Variants in CDH12 observed in about 807,000 individuals in gnomAD.
CDH12 encodes the protein cadherin 12.
CDH12 carries 41 observed loss-of-function variants against 74.1 expected under a neutral mutation model. That is an observed-to-expected ratio of 0.55 (90% CI 0.43 to 0.72). The LOEUF (loss-of-function observed/expected upper bound fraction) is 0.72. Ranked by LOEUF, CDH12 falls within the 30% of genes least tolerant of loss-of-function variation. The pLI, the probability that CDH12 is intolerant of heterozygous loss-of-function variation, is 0.00. For synonymous variants in CDH12, 399 were observed against 355.0 expected, an observed-to-expected ratio of 1.12 and a Z score of -1.39; for missense variants, 945 against 977.2, an observed-to-expected ratio of 0.97 and a Z score of 0.44.
intron 6 of CDH12, among the ~76,000 whole-genome samples, chr5:21,931,463 T>C (rs1387442560): frequency 1.3e-5 from 2 of 152,160 alleles, no homozygotes; most frequent in African/African-American, 2.4e-5. Flanking sequence ...CATGAACTAA[T>C]GGATCAATGA....
chr5:21,788,950 T>G (rs1204667796), intron 10 of CDH12, among the ~76,000 whole-genome samples: 1 of 152,016 alleles, frequency 6.6e-6, no homozygotes, highest in African/African-American at 2.4e-5. Context: ...TCATGTCTTT[T>G]TTGTGTATTT....
intron 5 of CDH12, among the ~76,000 whole-genome samples, chr5:22,056,882 G>T (rs74547509): frequency 6.6e-6 from 1 of 152,076 alleles, no homozygotes; most frequent in African/African-American, 2.4e-5. Flanking sequence ...GAAAAGAGCC[G>T]ACAATTCTTC....
intron 1 of CDH12, among the ~76,000 whole-genome samples, chr5:22,575,923 G>T (rs1381556273): frequency 1.3e-5 from 2 of 151,460 alleles, no homozygotes; most frequent in Non-Finnish European, 2.9e-5. Flanking sequence ...TATCAGTGCA[G>T]GGTTTCTACA....
At chr5:22,373,722 C>A (rs1741396046) in intron 3 of CDH12, among the ~76,000 whole-genome samples, 3 of 152,186 alleles carry the variant, frequency 2.0e-5, no homozygotes, top group Non-Finnish European at 2.9e-5. Context: ...CACACTCCTG[C>A]ATGTACCCAA....
intron 4 of CDH12, among the ~76,000 whole-genome samples, chr5:22,116,938 C>T (rs957698658): frequency 1.4e-5 from 2 of 140,556 alleles, no homozygotes; most frequent in African/African-American, 5.3e-5. Flanking sequence ...ACCTTGATTG[C>T]TCTGATACAT....
chr5:22,767,770 G>C (rs1746597890), intron 1 of CDH12, among the ~76,000 whole-genome samples: 1 of 151,842 alleles, frequency 6.6e-6, no homozygotes, highest in Admixed American at 6.6e-5. Flanking sequence ...GCAGGGCAAT[G>C]ATAATCAACT....
At chr5:22,523,216 T>G (rs1737127109) in intron 1 of CDH12, among the ~76,000 whole-genome samples, 1 of 152,198 alleles carries the variant, frequency 6.6e-6, no homozygotes, top group Non-Finnish European at 1.5e-5. Context: ...GGGGTGGTGC[T>G]GATTTCACGT....
chr5:22,067,860 C>T (rs1741676212), intron 5 of CDH12, among the ~76,000 whole-genome samples: 1 of 152,080 alleles, frequency 6.6e-6, no homozygotes, highest in Admixed American at 6.6e-5. Context: ...TGCCTGTAGT[C>T]CCAGCTACTC....
chr5:22,549,930 T>C (rs906929439), intron 1 of CDH12, among the ~76,000 whole-genome samples: 1 of 152,222 alleles, frequency 6.6e-6, no homozygotes, highest in East Asian at 1.9e-4. Flanking sequence ...GTTCCTAGTT[T>C]GTTGTTTCAT....
chr5:22,718,407 G>C (rs577391608), intron 1 of CDH12, among the ~76,000 whole-genome samples: 1 of 152,304 alleles, frequency 6.6e-6, no homozygotes, highest in Non-Finnish European at 1.5e-5. Context: ...GGGAATGAAA[G>C]GGAAATATCT....
chr5:21,835,922 C>T (rs958889990), intron 8 of CDH12, among the ~76,000 whole-genome samples: 1 of 151,654 alleles, frequency 6.6e-6, no homozygotes, highest in Non-Finnish European at 1.5e-5. Flanking sequence ...ACTTGGACAT[C>T]TTGTAGTCCT....
At chr5:22,687,055 G>A (rs560647285) in intron 1 of CDH12, among the ~76,000 whole-genome samples, 4 of 152,276 alleles carry the variant, frequency 2.6e-5, no homozygotes, top group African/African-American at 9.6e-5. Flanking sequence ...CAGCACTTCG[G>A]GAGGCTAAGG....
chr5:22,568,376 G>A (rs1034521446), intron 1 of CDH12, among the ~76,000 whole-genome samples: 1 of 152,170 alleles, frequency 6.6e-6, no homozygotes. Context: ...AAAGAATGAG[G>A]ATAGAATGAG....
intron 3 of CDH12, among the ~76,000 whole-genome samples, chr5:22,224,868 CATATT>C (rs1477408820): frequency 1.3e-5 from 2 of 151,444 alleles, no homozygotes; most frequent in East Asian, 3.9e-4. Flanking sequence ...CATAAAATAA[CATATT>C]ATATATTAAA....
chr5:21,755,620 G>T lies in CDH12; in HGVS notation c.1856C>A (p.Ala619Glu). The T allele has an allele frequency of 6.2e-7, 1 of 1,613,890 alleles. No individual in the cohort carries two copies. The highest frequency in any genetic ancestry group is 8.5e-7 in the Non-Finnish European group (1 of 1,179,840). ...GAGTATAACAATGCATAGTAGAATT[G>T]CAATCAACGCCCCAGTGCTAAGTCC... Reference protein sequence around the residue: ...PVGLSTGALIAILLCIVILLA... With the variant: ...PVGLSTGALIEILLCIVILLA... The change falls in exon 14 of 15, where the codon GCA becomes GAA. Residue 619 changes from alanine (A) to glutamate (E), a missense_variant. By Grantham distance (107) the Ala-to-Glu change is moderately radical. Transcript: ENST00000382254.
intron 1 of CDH12, among the ~76,000 whole-genome samples, chr5:22,837,358 T>C (rs1736874219): frequency 6.6e-6 from 1 of 152,224 alleles, no homozygotes; most frequent in South Asian, 2.1e-4. Flanking sequence ...CAGTGAGCCA[T>C]GATCTTGTCA....
At chr5:21,775,771 G>A (rs970737699) in intron 11 of CDH12, among the ~76,000 whole-genome samples, 2 of 152,000 alleles carry the variant, frequency 1.3e-5, no homozygotes, top group Admixed American at 1.3e-4. Context: ...GGAGCACTCT[G>A]AATTTTGATT....
At chr5:22,052,120 G>A (rs978074362) in intron 5 of CDH12, among the ~76,000 whole-genome samples, 1 of 152,112 alleles carries the variant, frequency 6.6e-6, no homozygotes, top group African/African-American at 2.4e-5. Flanking sequence ...AGGAAGAGAG[G>A]AAACAATGTG....
At chr5:22,099,469 A>C (rs1744006231) in intron 4 of CDH12, among the ~76,000 whole-genome samples, 1 of 152,220 alleles carries the variant, frequency 6.6e-6, no homozygotes, top group Non-Finnish European at 1.5e-5. Context: ...TTGGAATGCT[A>C]CAGGGTACAG....
Sources: allele counts gnomAD v4.1 joint callset (sites outside exome capture counted in the v4.1 genomes callset), GRCh38; gene constraint gnomAD v4.1.1; transcripts MANE v1.5; gene names NCBI Gene and HGNC (gene_info 2026-07-23, HGNC 2026-07-21).